Variants in WDR43 observed in about 807,000 individuals in gnomAD.
WDR43 encodes the protein WD repeat domain 43, also known as WD repeat-containing protein 43.
A neutral mutation model predicts 91.4 loss-of-function variants in WDR43; 13 were observed. The observed-to-expected ratio is 0.14, with a 90% CI of 0.09 to 0.23. The LOEUF is 0.23. Among genes scored for constraint, WDR43 ranks in the 10% least tolerant of loss-of-function variants. The pLI, the probability that WDR43 is intolerant of heterozygous loss-of-function variation, is 1.00. For missense variants in WDR43, 780 were observed against 809.4 expected (o/e 0.96, Z 0.44); for synonymous variants, 331 against 287.9 (o/e 1.15, Z -1.51).
chr2:28,946,337 A>T, intron 16 of WDR43, 113 bp from the exon 17 acceptor site: 1 of 1,107,438 alleles, frequency 9.0e-7, no homozygotes, highest in Non-Finnish European at 1.2e-6. Flanking sequence ...GATGATTGCT[A>T]AATATAAATA....
rs776452022 is a variant in WDR43 at position 28,929,700 on chromosome 2, A to C, written c.1427A>C (p.Glu476Ala). ...LTQGLESNDF[E>A]MLNKVLQTRN... Reference sequence around the variant, plus strand: ...CAGGGCTTAGAAAGTAACGATTTTGAAATGCTAAATGTAAGTATATAGCAA... The same window carrying C: ...CAGGGCTTAGAAAGTAACGATTTTGCAATGCTAAATGTAAGTATATAGCAA... Residue 476 changes from glutamate to alanine, a missense_variant, in exon 11 of 18, where the codon GAA (glutamate) becomes GCA (alanine). Physicochemically the swap from Glu to Ala is moderately radical, Grantham distance 107. Coordinates refer to ENST00000407426, the MANE Select transcript of WDR43 (RefSeq NM_015131.3). 5 of 1,612,336 alleles carry C rather than the reference A, an allele frequency of 3.1e-6. No homozygotes were observed. Among genetic ancestry groups the C allele is most frequent in the Non-Finnish European group, 4.2e-6 (5 of 1,179,400 alleles).
At position 28,930,882 on chromosome 2, in the gene WDR43, C is replaced by G. The variant is rs943152258; in HGVS notation, c.1437+1172C>G. Among the ~76,000 whole-genome samples, 3 of 152,116 alleles carry G rather than the reference C, an allele frequency of 2.0e-5. No homozygotes were observed. In the East Asian group the frequency reaches 5.8e-4, roughly 29 times the overall value. ...TTGTTGATAGTCTCACTTGTCTCCC[C>G]AAGTTATGGTGAAGCAAATCTCAGA... is the stretch of plus-strand genomic sequence containing the variant. On this transcript the variant is annotated intron_variant, in intron 11 of 17. Transcript: ENST00000407426.
chr2:28,923,088 G>A, intron 7 of WDR43, 105 bp downstream of exon 7: 1 of 963,154 alleles, frequency 1.0e-6, no homozygotes. Context: ...TATTCAGCCA[G>A]ATTATTTTGA....
chr2:28,907,190 T>C (rs1035480314), intron 3 of WDR43, among the ~76,000 whole-genome samples: 23 of 152,196 alleles, frequency 1.5e-4, no homozygotes, highest in Non-Finnish European at 3.4e-4. Context: ...CTGTTGAATA[T>C]AGTTCCACCT....
At chr2:28,927,078 ACATC>A in intron 9 of WDR43, 1 of 519,578 alleles carries the variant, frequency 1.9e-6, no homozygotes, top group Non-Finnish European at 3.8e-6. Flanking sequence ...TGCTATGATG[ACATC>A]CATATGGTTT....
Position 28,947,297 on chromosome 2 carries a change from A to G in WDR43, c.*518A>G, listed in dbSNP as rs1239583673. 6.6e-6 allele frequency: 1 copy of G among 152,224 alleles called. No homozygotes were observed. 9.4% of individuals were successfully genotyped at this position (152,224 alleles called of 1,614,324 possible). On this transcript the variant is annotated 3_prime_UTR_variant, in exon 18 of 18. Transcript: ENST00000407426. ...CTGGAGTAAAAATGATGGTAATTAAAAAAAATCCTCAGTATCCCTAGCTTG... is the reference window on the plus strand; with the variant it reads ...CTGGAGTAAAAATGATGGTAATTAAGAAAAATCCTCAGTATCCCTAGCTTG...
Position 28,946,830 on chromosome 2 carries a change from C to G in WDR43, c.*51C>G. On this transcript the variant is annotated 3_prime_UTR_variant, in exon 18 of 18. Coordinates refer to ENST00000407426, the MANE Select transcript of WDR43 (RefSeq NM_015131.3). ...TATATAAACTCTGGCTCACCTTGCC[C>G]AGTGGTGAGGGCTGCCTCTGTGCCA... The G allele has an allele frequency of 6.7e-7, 1 of 1,499,388 alleles. No individual in the cohort carries two copies. Among genetic ancestry groups the G allele is most frequent in the Non-Finnish European group, 8.9e-7 (1 of 1,128,710 alleles). The allele number at this position is 1,499,388 out of a possible 1,614,324, so 92.9% of individuals were successfully genotyped here. A position where few individuals can be genotyped will look rare whatever the true frequency, so the allele number is the denominator to read the frequency against.
chr2:28,924,919 C>G, intron 7 of WDR43, 63 bp from the exon 8 acceptor site: 3 of 1,555,852 alleles, frequency 1.9e-6, no homozygotes, highest in Admixed American at 3.7e-5. Context: ...GATGTCAGTT[C>G]CAGAGAGTTA....
chr2:28,898,132 C>G (rs190168052), intron 1 of WDR43, among the ~76,000 whole-genome samples: 14 of 152,346 alleles, frequency 9.2e-5, no homozygotes, highest in Admixed American at 7.2e-4. Flanking sequence ...TGAAAGTCTT[C>G]CGACTTTTCT....
intron 6 of WDR43, 121 bp from the exon 7 acceptor site, chr2:28,922,797 GT>G (rs70958224): frequency 0.2 from 46,219 of 232,924 alleles, 1,746 homozygotes; most frequent in Middle Eastern, 0.25. Flanking sequence ...TTCTTGCTGT[GT>G]TTTTTTTTTT....
chr2:28,898,625 G>A (rs943714160), intron 1 of WDR43, among the ~76,000 whole-genome samples: 8 of 152,124 alleles, frequency 5.3e-5, no homozygotes, highest in African/African-American at 1.9e-4. Context: ...GGTGTCTAGA[G>A]TTCAGTATTT....
chr2:28,936,835 TTCTC>T, intron 12 of WDR43, 83 bp from the exon 13 acceptor site: 2 of 1,187,480 alleles, frequency 1.7e-6, no homozygotes, highest in Non-Finnish European at 2.4e-6. Flanking sequence ...GAATAATAAT[TTCTC>T]AATATTGTCA....
Position 28,918,000 on chromosome 2 carries a change from A to G in WDR43, c.849+5A>G, listed in dbSNP as rs1186111152. 6.4e-7 allele frequency: 1 copy of G among 1,558,392 alleles called. No homozygotes were observed. Among genetic ancestry groups the G allele is most frequent in the East Asian group, 2.3e-5 (1 of 42,930 alleles). On this transcript the variant is annotated splice_donor_5th_base_variant and intron_variant, in intron 6 of 17. Transcript: ENST00000407426. Reference sequence around the variant, plus strand: ...TTGTCAGAAAACAAAGAAGAGGTAAATGGCTCGATTTTTGAGAATTTGTTT... The same window carrying G: ...TTGTCAGAAAACAAAGAAGAGGTAAGTGGCTCGATTTTTGAGAATTTGTTT...
At position 28,922,971 on chromosome 2, in the gene WDR43, A is replaced by G. The variant is rs1413344737; in HGVS notation, c.902A>G (p.His301Arg). Residue 301 changes from histidine (H) to arginine (R), a missense_variant, in exon 7 of 18, where the codon CAC becomes CGC. By Grantham distance (29) the His-to-Arg change is conservative. Coordinates refer to ENST00000407426, the MANE Select transcript of WDR43 (RefSeq NM_015131.3). ...CRDGQVHLFEHILNGYCKKPL... is the reference protein window; with the variant it reads ...CRDGQVHLFERILNGYCKKPL... The stretch of plus-strand genomic sequence containing the variant: ...GATGGTCAAGTCCATCTTTTTGAAC[A>G]CATATTAAATGGGTAAGTAAGAAAT... The G allele has an allele frequency of 6.2e-7, 1 of 1,609,186 alleles. No homozygotes were observed. Among genetic ancestry groups the G allele is most frequent in the Non-Finnish European group, 8.5e-7 (1 of 1,178,758 alleles).
At chr2:28,927,328 T>C in intron 9 of WDR43, 1 of 507,732 alleles carries the variant, frequency 2.0e-6, no homozygotes, top group South Asian at 2.1e-5. Context: ...AACCAACTAC[T>C]GTCAGGCCAG....
chr2:28,933,562 T>C (rs1671286830), intron 11 of WDR43, among the ~76,000 whole-genome samples: 3 of 152,202 alleles, frequency 2.0e-5, no homozygotes, highest in South Asian at 4.1e-4. Context: ...ACTTCTGTTC[T>C]TGGAAAAACA....
At chr2:28,933,276 G>A (rs1345559595) in intron 11 of WDR43, among the ~76,000 whole-genome samples, 1 of 152,126 alleles carries the variant, frequency 6.6e-6, no homozygotes, top group East Asian at 1.9e-4. Flanking sequence ...TGATATTGGT[G>A]AAAAAATAAA....
chr2:28,923,079 A>G, intron 7 of WDR43, 96 bp downstream of exon 7: 3 of 1,001,648 alleles, frequency 3.0e-6, no homozygotes, highest in South Asian at 1.7e-5. Flanking sequence ...TCATATTACT[A>G]TTCAGCCAGA....
chr2:28,898,927 C>T (rs1670530941), intron 1 of WDR43, among the ~76,000 whole-genome samples: 1 of 152,172 alleles, frequency 6.6e-6, no homozygotes, highest in African/African-American at 2.4e-5. Context: ...CTGTACAACT[C>T]CTTGCTTTTA....
Sources: gnomAD v4.1 joint callset for allele counts (sites outside exome capture counted in the v4.1 genomes callset) on GRCh38, gnomAD v4.1.1 for gene constraint, MANE v1.5 for transcripts, NCBI Gene and HGNC (gene_info 2026-07-23, HGNC 2026-07-21) for gene names.